ARHGAP10: variants seen among roughly 807,000 people sequenced by gnomAD.
The protein encoded by ARHGAP10 is rho GTPase-activating protein 10.
Under a neutral mutation model 108.6 loss-of-function variants are expected in ARHGAP10, and 87 were observed. That is an observed-to-expected ratio of 0.80 (90% CI 0.67 to 0.96). The LOEUF is 0.96. ARHGAP10 is among the 40% of genes least tolerant of loss of function. The pLI is 0.00. For missense variants in ARHGAP10, 939 were observed against 954.5 expected, an observed-to-expected ratio of 0.98 and a Z score of 0.21; for synonymous variants, 347 against 341.1, an observed-to-expected ratio of 1.02 and a Z score of -0.19.
chr4:147,925,242 A>G lies in ARHGAP10; in HGVS notation c.1228+12103A>G, dbSNP rs113596751. Among the ~76,000 whole-genome samples, 774 of 152,292 alleles carry G rather than the reference A, an allele frequency of 5.1e-3. 7 individuals carry two copies. Among genetic ancestry groups the G allele is most frequent in the Middle Eastern group, 0.017 (5 of 294 alleles). ...AACACCACAAAACACCCTGAAAACC[A>G]AAAGCAGGCATTCTTCCTCCTGGGA... On this transcript the variant is annotated intron_variant, in intron 13 of 22. Transcript: ENST00000336498.
At chr4:148,013,605 G>A (rs565827627) in intron 18 of ARHGAP10, among the ~76,000 whole-genome samples, 3 of 152,148 alleles carry the variant, frequency 2.0e-5, no homozygotes, top group South Asian at 4.2e-4. Flanking sequence ...GGAGAATGGC[G>A]TGAACCCGGG....
intron 1 of ARHGAP10, among the ~76,000 whole-genome samples, chr4:147,758,564 C>T (rs1466457361): frequency 6.6e-6 from 1 of 152,080 alleles, no homozygotes; most frequent in Non-Finnish European, 1.5e-5. Flanking sequence ...CTCAGGGAGG[C>T]CTTTCTGACT....
chr4:147,886,185 A>G (rs1327431745), intron 10 of ARHGAP10, among the ~76,000 whole-genome samples: 1 of 152,180 alleles, frequency 6.6e-6, no homozygotes, highest in Non-Finnish European at 1.5e-5. Flanking sequence ...GAAATCCAGA[A>G]CCCTTCTCAT....
chr4:147,965,521 C>T (rs1739172471), intron 17 of ARHGAP10, among the ~76,000 whole-genome samples: 1 of 152,184 alleles, frequency 6.6e-6, no homozygotes, highest in African/African-American at 2.4e-5. Context: ...ATTTCATTCC[C>T]TTTTCCTCCT....
At position 147,999,898 on chromosome 4, in the gene ARHGAP10, A is replaced by T. The variant is rs926799722; in HGVS notation, c.1717-23365A>T. On this transcript the variant is annotated intron_variant, in intron 18 of 22. Transcript: ENST00000336498. ...CCTTACTACAAGAATCAGAAAATAC[A>T]GTGGGAAAAATAGCTCCTATTAACA... 2.0e-5 allele frequency among the ~76,000 whole-genome samples: 3 copies of T among 151,648 alleles called. 1 individual carries two copies. The highest frequency in any genetic ancestry group is 4.4e-5 in the Non-Finnish European group (3 of 67,958).
chr4:147,835,785 G>A (rs1006567464), intron 3 of ARHGAP10, among the ~76,000 whole-genome samples: 1 of 152,132 alleles, frequency 6.6e-6, no homozygotes, highest in African/African-American at 2.4e-5. Context: ...TTTCTCTTAT[G>A]TAAAACAAAA....
At chr4:147,748,206 A>G (rs1444843168) in intron 1 of ARHGAP10, among the ~76,000 whole-genome samples, 4 of 152,200 alleles carry the variant, frequency 2.6e-5, no homozygotes, top group African/African-American at 7.2e-5. Flanking sequence ...TGGTTGCTCT[A>G]CATAAAGGCC....
At chr4:148,016,812 CA>C (rs1228880055) in intron 18 of ARHGAP10, among the ~76,000 whole-genome samples, 4 of 152,102 alleles carry the variant, frequency 2.6e-5, no homozygotes, top group African/African-American at 9.7e-5. Flanking sequence ...GGGGTTCCCA[CA>C]ACCCCTGCTT....
chr4:148,027,048 G>C (rs1727894496), intron 19 of ARHGAP10, among the ~76,000 whole-genome samples: 1 of 152,170 alleles, frequency 6.6e-6, no homozygotes, highest in Admixed American at 6.5e-5. Flanking sequence ...AGTTCAGGAG[G>C]CTATATGAGA....
intron 1 of ARHGAP10, among the ~76,000 whole-genome samples, chr4:147,783,785 CATTAA>C (rs998443856): frequency 1.5e-5 from 2 of 136,246 alleles, no homozygotes; most frequent in South Asian, 2.5e-4. Context: ...ATATAACACA[CATTAA>C]ATTATGTATT....
intron 1 of ARHGAP10, among the ~76,000 whole-genome samples, chr4:147,737,440 C>T (rs1472476584): frequency 2.0e-5 from 3 of 151,782 alleles, no homozygotes; most frequent in Non-Finnish European, 1.5e-5. Flanking sequence ...CAGGTGTCAG[C>T]CACTGCGCCT....
chr4:147,770,169 C>T (rs989792370), intron 1 of ARHGAP10, among the ~76,000 whole-genome samples: 1 of 152,146 alleles, frequency 6.6e-6, no homozygotes, highest in Non-Finnish European at 1.5e-5. Context: ...GAATCTGCCT[C>T]AATTTTGAGC....
chr4:148,028,079 C>T (rs1224171675), intron 19 of ARHGAP10, among the ~76,000 whole-genome samples: 2 of 152,138 alleles, frequency 1.3e-5, no homozygotes, highest in South Asian at 2.1e-4. Context: ...TAAGAAACAA[C>T]GTGGCAGTAA....
At chr4:147,781,739 G>A (rs527855520) in intron 1 of ARHGAP10, among the ~76,000 whole-genome samples, 6 of 148,366 alleles carry the variant, frequency 4.0e-5, no homozygotes, top group East Asian at 2.0e-4. Context: ...GTGCAGTGGC[G>A]CAATCTCGGC....
intron 18 of ARHGAP10, among the ~76,000 whole-genome samples, chr4:148,018,924 C>T (rs923682916): frequency 6.6e-6 from 1 of 152,176 alleles, no homozygotes; most frequent in Non-Finnish European, 1.5e-5. Flanking sequence ...ACAGTACTTA[C>T]CTCAAAGGCT....
At chr4:148,011,307 G>A (rs1229879433) in intron 18 of ARHGAP10, among the ~76,000 whole-genome samples, 3 of 152,318 alleles carry the variant, frequency 2.0e-5, no homozygotes, top group East Asian at 1.9e-4. Flanking sequence ...AGTTTAGCTT[G>A]TCTCTTCTCC....
intron 20 of ARHGAP10, among the ~76,000 whole-genome samples, chr4:148,052,014 C>T (rs1729158993): frequency 6.6e-6 from 1 of 152,132 alleles, no homozygotes; most frequent in African/African-American, 2.4e-5. Context: ...ATAAATTTTG[C>T]TGGGAGATAC....
chr4:147,778,591 G>A lies in ARHGAP10; in HGVS notation c.155-44136G>A, dbSNP rs182889372. Among the ~76,000 whole-genome samples, 14 of 152,266 alleles carry A rather than the reference G, an allele frequency of 9.2e-5. 1 individual carries two copies. Among genetic ancestry groups the A allele is most frequent in the Non-Finnish European group, 1.0e-4 (7 of 68,018 alleles). ...TGAGAAATTTGTAGTAAATATGCACGTGTTCTCTCCCTCATACCCCAAGAA... is the reference window on the plus strand; with the variant it reads ...TGAGAAATTTGTAGTAAATATGCACATGTTCTCTCCCTCATACCCCAAGAA... On this transcript the variant is annotated intron_variant, in intron 1 of 22. Transcript: ENST00000336498.
chr4:147,952,355 A>T (rs999246439), intron 15 of ARHGAP10, among the ~76,000 whole-genome samples: 1 of 152,168 alleles, frequency 6.6e-6, no homozygotes, highest in Admixed American at 6.5e-5. Context: ...AAGTTGATGT[A>T]TTTCTTTACA....
Sources: gnomAD v4.1 joint callset for allele counts (sites outside exome capture counted in the v4.1 genomes callset) on GRCh38, gnomAD v4.1.1 for gene constraint, MANE v1.5 for transcripts, NCBI Gene and HGNC (gene_info 2026-07-23, HGNC 2026-07-21) for gene names.